ZCCHC10: variants seen among roughly 807,000 people sequenced by gnomAD.
ZCCHC10 encodes zinc finger CCHC-type containing 10.
A neutral mutation model predicts 19.5 loss-of-function variants in ZCCHC10; 16 were observed. The ratio of observed to expected loss-of-function variants is 0.82; its 90% CI spans 0.56 to 1.25. ZCCHC10 has a LOEUF of 1.25. ZCCHC10 is among the 50% of genes most tolerant of loss of function. The pLI, the probability that ZCCHC10 is intolerant of heterozygous loss-of-function variation, is 0.00. For missense variants in ZCCHC10, 197 were observed against 201.0 expected, an observed-to-expected ratio of 0.98 and a Z score of 0.12; for synonymous variants, 67 against 72.5, an observed-to-expected ratio of 0.92 and a Z score of 0.38.
At chr5:133,015,367 C>A (rs1376230951) in intron 2 of ZCCHC10, among the ~76,000 whole-genome samples, 2 of 152,152 alleles carry the variant, frequency 1.3e-5, no homozygotes, top group African/African-American at 4.8e-5. Flanking sequence ...GCAGAAGCCA[C>A]CGCGTTTGGC....
At chr5:133,009,763 A>C (rs1466287876) in intron 2 of ZCCHC10, among the ~76,000 whole-genome samples, 1 of 152,126 alleles carries the variant, frequency 6.6e-6, no homozygotes, top group Non-Finnish European at 1.5e-5. Context: ...ACTCTGTGTC[A>C]GAGTTAAGAC....
At chr5:133,019,314 A>G (rs1764139131) in intron 2 of ZCCHC10, 1 of 213,380 alleles carries the variant, frequency 4.7e-6, no homozygotes, top group African/African-American at 2.4e-5. Context: ...AAAAATACTA[A>G]TTTTCCATAA....
rs755408219 is a variant in ZCCHC10, at chr5:133,026,540, T to C, written c.-3A>G. Reference sequence around the variant, plus strand: ...AGCCGATGCATGGGAGTCGCCATCTTAGCGCGGTCAAAGCCGGCCGCGCAG... The same window carrying C: ...AGCCGATGCATGGGAGTCGCCATCTCAGCGCGGTCAAAGCCGGCCGCGCAG... On this transcript the variant is annotated 5_prime_UTR_variant, in exon 1 of 5. Transcript: ENST00000509437. 6.2e-6 allele frequency: 10 copies of C among 1,613,480 alleles called. No individual in the cohort carries two copies. The highest frequency in any genetic ancestry group is 2.7e-5 in the African/African-American group (2 of 74,872).
chr5:133,026,539 T>C lies in ZCCHC10; in HGVS notation c.-2A>G, dbSNP rs745448747. Reference sequence around the variant, plus strand: ...TAGCCGATGCATGGGAGTCGCCATCTTAGCGCGGTCAAAGCCGGCCGCGCA... The same window carrying C: ...TAGCCGATGCATGGGAGTCGCCATCCTAGCGCGGTCAAAGCCGGCCGCGCA... On this transcript the variant is annotated 5_prime_UTR_variant, in exon 1 of 5. Coordinates refer to ENST00000509437, the MANE Select transcript of ZCCHC10 (RefSeq NM_001300816.3). The C allele has an allele frequency of 1.9e-6, 3 of 1,613,606 alleles. No homozygotes were observed. In the South Asian group the frequency reaches 3.3e-5, roughly 18 times the overall value.
intron 1 of ZCCHC10, among the ~76,000 whole-genome samples, chr5:133,025,842 G>C (rs148408407): frequency 6.6e-6 from 1 of 152,196 alleles, no homozygotes; most frequent in African/African-American, 2.4e-5. Flanking sequence ...GTTATCACCA[G>C]CTGTATTTAC....
At chr5:133,001,264 G>A (rs985062828) in intron 3 of ZCCHC10, among the ~76,000 whole-genome samples, 2 of 151,676 alleles carry the variant, frequency 1.3e-5, no homozygotes, top group Non-Finnish European at 2.9e-5. Flanking sequence ...GGTGGTGCAT[G>A]CCTGTACTCC....
At chr5:133,007,552 A>T (rs1763202972) in intron 2 of ZCCHC10, among the ~76,000 whole-genome samples, 1 of 151,824 alleles carries the variant, frequency 6.6e-6, no homozygotes, top group African/African-American at 2.4e-5. Context: ...CACAAAAAAA[A>T]AAAAAAACAA....
chr5:133,025,322 G>A (rs1581442644), intron 1 of ZCCHC10, among the ~76,000 whole-genome samples: 1 of 151,724 alleles, frequency 6.6e-6, no homozygotes, highest in East Asian at 1.9e-4. Flanking sequence ...GGCTAACACG[G>A]TGAAACCCCA....
intron 2 of ZCCHC10, among the ~76,000 whole-genome samples, chr5:133,007,472 G>A (rs1225374553): frequency 2.0e-5 from 3 of 151,884 alleles, no homozygotes; most frequent in Non-Finnish European, 2.9e-5. Flanking sequence ...GAACCCGGGA[G>A]GCAGAGCTTG....
intron 2 of ZCCHC10, among the ~76,000 whole-genome samples, chr5:133,018,439 G>A (rs1037271604): frequency 9.3e-5 from 14 of 151,336 alleles, no homozygotes; most frequent in South Asian, 2.1e-4. Flanking sequence ...TTCCTCTGTC[G>A]TCCAGGCTGG....
chr5:133,008,245 A>T (rs1763262117), intron 2 of ZCCHC10, among the ~76,000 whole-genome samples: 1 of 135,028 alleles, frequency 7.4e-6, no homozygotes, highest in African/African-American at 2.9e-5. Flanking sequence ...AAAAAAAAAG[A>T]ATCAGAAAAT....
At position 132,998,354 on chromosome 5, in the gene ZCCHC10, G is replaced by C. The variant is rs1343187125; in HGVS notation, c.*229C>G. 1 of 425,844 alleles carries C rather than the reference G, an allele frequency of 2.3e-6. No homozygotes were observed. The highest frequency in any genetic ancestry group is 4.2e-6 in the Non-Finnish European group (1 of 236,130). 26.4% of individuals were successfully genotyped at this position (425,844 alleles called of 1,614,324 possible). A position where few individuals can be genotyped will look rare whatever the true frequency, so the allele number is the denominator to read the frequency against. On this transcript the variant is annotated 3_prime_UTR_variant, in exon 5 of 5. Coordinates refer to ENST00000509437, the MANE Select transcript of ZCCHC10 (RefSeq NM_001300816.3). ...TTGCAGATTTCAGCTTTAAGTTCTAGAGATATATTTTAAAGATAAAAAAAA... is the reference window on the plus strand; with the variant it reads ...TTGCAGATTTCAGCTTTAAGTTCTACAGATATATTTTAAAGATAAAAAAAA...
intron 2 of ZCCHC10, among the ~76,000 whole-genome samples, chr5:133,021,916 C>A (rs1321648996): frequency 6.6e-6 from 1 of 151,800 alleles, no homozygotes; most frequent in East Asian, 1.9e-4. Flanking sequence ...GCCTCAGCCT[C>A]CCAAGTAGCT....
chr5:133,002,751 G>C (rs540196227), intron 3 of ZCCHC10, among the ~76,000 whole-genome samples: 196 of 151,742 alleles, frequency 1.3e-3, no homozygotes, highest in African/African-American at 3.5e-3. Context: ...GTGGAGGCTC[G>C]TTCTGTCGCC....
chr5:133,000,399 C>T (rs2059782), intron 3 of ZCCHC10, among the ~76,000 whole-genome samples: 47,135 of 152,008 alleles, frequency 0.31, 8,214 homozygotes, highest in African/African-American at 0.48. Context: ...CAAGACAATG[C>T]ATCTTAGCAC....
intron 1 of ZCCHC10, among the ~76,000 whole-genome samples, chr5:133,025,411 G>C (rs949703989): frequency 6.6e-6 from 1 of 151,008 alleles, no homozygotes; most frequent in African/African-American, 2.4e-5. Flanking sequence ...GGCTGAGGCA[G>C]GGGAACGGCG....
At chr5:133,013,721 C>G (rs543486546) in intron 2 of ZCCHC10, among the ~76,000 whole-genome samples, 1 of 151,470 alleles carries the variant, frequency 6.6e-6, no homozygotes, top group Admixed American at 6.6e-5. Flanking sequence ...GACTCCATCT[C>G]AAACAATATA....
chr5:133,006,280 A>C (rs2126572974), intron 3 of ZCCHC10, among the ~76,000 whole-genome samples: 1 of 152,250 alleles, frequency 6.6e-6, no homozygotes, highest in Middle Eastern at 3.4e-3. Flanking sequence ...AAATCATAGC[A>C]TATTATATAT....
At chr5:133,022,029 A>C (rs1581433627) in intron 2 of ZCCHC10, among the ~76,000 whole-genome samples, 1 of 152,100 alleles carries the variant, frequency 6.6e-6, no homozygotes, top group Non-Finnish European at 1.5e-5. Flanking sequence ...TCTGGACCTC[A>C]GGTCATCCAC....
Sources: allele counts gnomAD v4.1 joint callset (sites outside exome capture counted in the v4.1 genomes callset), GRCh38; gene constraint gnomAD v4.1.1; transcripts MANE v1.5; gene names NCBI Gene and HGNC (gene_info 2026-07-23, HGNC 2026-07-21).